SYNPR: variants seen among roughly 807,000 people sequenced by gnomAD.
SYNPR encodes synaptoporin.
A neutral mutation model predicts 32.9 loss-of-function variants in SYNPR; 23 were observed. The observed-to-expected ratio is 0.70, with a 90% CI of 0.50 to 0.99. The LOEUF (loss-of-function observed/expected upper bound fraction) is 0.99. Among genes scored for constraint, SYNPR ranks in the 50% least tolerant of loss-of-function variants. The pLI, the probability that SYNPR is intolerant of heterozygous loss-of-function variation, is 0.00. For synonymous variants in SYNPR, 146 were observed against 135.9 expected (o/e 1.07, Z -0.52); for missense variants, 318 against 349.3 (o/e 0.91, Z 0.71).
chr3:63,384,458 T>C (rs2088015350), intron 2 of SYNPR, among the ~76,000 whole-genome samples: 1 of 152,180 alleles, frequency 6.6e-6, no homozygotes, highest in African/African-American at 2.4e-5. Context: ...ATGTCTTTCT[T>C]TGACTACAGT....
In SYNPR at chr3:63,266,714, AAAAACAC is replaced by A. The variant is rs1393698841; in HGVS notation, n.155-598_155-592del. ...AAGAGCAAAACTCCGTCTCAAAAAAAAAAACACAAAAAACCACAAAAATAAAGTCGTG... is the reference window on the plus strand; with the variant it reads ...AAGAGCAAAACTCCGTCTCAAAAAAAAAAAAACCACAAAAATAAAGTCGTG... On this transcript the variant is annotated intron_variant and non_coding_transcript_variant, in intron 2 of 4. Transcript: ENST00000478456. Among the ~76,000 whole-genome samples the A allele has an allele frequency of 2.3e-3, 341 of 149,990 alleles. 2 individuals are homozygous for A. The highest frequency in any genetic ancestry group is 2.0e-3 in the Non-Finnish European group (138 of 67,532).
intron 2 of SYNPR, among the ~76,000 whole-genome samples, chr3:63,437,220 AT>A (rs1383594401): frequency 4.6e-5 from 7 of 152,206 alleles, no homozygotes; most frequent in Non-Finnish European, 8.8e-5. Flanking sequence ...TAGAGACAAA[AT>A]AAAACAGCAT....
chr3:63,340,574 T>C (rs892336874), intron 2 of SYNPR, among the ~76,000 whole-genome samples: 12 of 151,246 alleles, frequency 7.9e-5, no homozygotes, highest in African/African-American at 2.7e-4. Flanking sequence ...CGCCCGCCAC[T>C]ACGCCCGGCT....
chr3:63,245,283 C>A (rs769419038), intron 1 of SYNPR, among the ~76,000 whole-genome samples: 5 of 151,884 alleles, frequency 3.3e-5, no homozygotes, highest in Non-Finnish European at 7.4e-5. Context: ...AAAGAAACAC[C>A]TTTGAATAAA....
rs548779353 is a variant in SYNPR, at chr3:63,515,960, A to G, written c.209+35004A>G. 2.0e-5 allele frequency among the ~76,000 whole-genome samples: 3 copies of G among 152,212 alleles called. No homozygotes were observed. The East Asian group carries it at 5.8e-4, about 29-fold the overall frequency. ...AACTTATTTAACCAGTCCCCTATAG[A>G]TGAAGGGGACTGGTTATTGATTTCC... On this transcript the variant is annotated intron_variant, in intron 3 of 5. Transcript: ENST00000478300.
chr3:63,572,309 A>C (rs1296185592), intron 4 of SYNPR, among the ~76,000 whole-genome samples: 1 of 151,072 alleles, frequency 6.6e-6, no homozygotes, highest in African/African-American at 2.4e-5. Flanking sequence ...TCCTCTTCTT[A>C]TTCTTATTCT....
chr3:63,305,105 G>T (rs954072128), intron 2 of SYNPR, among the ~76,000 whole-genome samples: 12 of 151,938 alleles, frequency 7.9e-5, no homozygotes, highest in African/African-American at 2.9e-4. Flanking sequence ...GCACTGATTT[G>T]GTGGTCTGCC....
At position 63,542,176 on chromosome 3, in the gene SYNPR, C is replaced by T. The variant is rs755713472; in HGVS notation, c.210-14367C>T. On this transcript the variant is annotated intron_variant, in intron 3 of 5. Transcript: ENST00000478300. ...AGAATCTCGTTCTCTCTCTTTATCC[C>T]CATGTTTTCTTCTGTATTGGCCTCA... Among the ~76,000 whole-genome samples, 46 of 152,040 alleles carry T rather than the reference C, an allele frequency of 3.0e-4. 1 individual carries two copies. The highest frequency in any genetic ancestry group is 1.6e-3 in the Admixed American group (25 of 15,226).
intron 2 of SYNPR, among the ~76,000 whole-genome samples, chr3:63,353,862 C>T (rs563649420): frequency 5.3e-5 from 8 of 152,132 alleles, no homozygotes; most frequent in Non-Finnish European, 1.2e-4. Context: ...CTGTCAGATA[C>T]TTGTTTTTCA....
intron 3 of SYNPR, among the ~76,000 whole-genome samples, chr3:63,527,470 G>A (rs1264982292): frequency 1.3e-5 from 2 of 152,082 alleles, no homozygotes; most frequent in African/African-American, 4.8e-5. Flanking sequence ...TGCATTAATG[G>A]GATGCCTGTC....
chr3:63,369,078 A>G (rs1211662257), intron 2 of SYNPR, among the ~76,000 whole-genome samples: 1 of 152,222 alleles, frequency 6.6e-6, no homozygotes, highest in Admixed American at 6.5e-5. Flanking sequence ...GTCTTTAAAG[A>G]GGAGTTTAAG....
intron 2 of SYNPR, among the ~76,000 whole-genome samples, chr3:63,426,551 C>T (rs1186561081): frequency 6.6e-6 from 1 of 152,106 alleles, no homozygotes; most frequent in Non-Finnish European, 1.5e-5. Context: ...GGTGGAGTTC[C>T]AAGTGGTAGG....
At chr3:63,289,291 G>A (rs1001072968) in intron 2 of SYNPR, 7 of 152,246 alleles carry the variant, frequency 4.6e-5, no homozygotes, top group African/African-American at 1.7e-4. Context: ...AGATGTCTTA[G>A]TCTGCTTTGT....
chr3:63,529,268 T>C (rs1451904670), intron 3 of SYNPR, among the ~76,000 whole-genome samples: 1 of 152,242 alleles, frequency 6.6e-6, no homozygotes, highest in Non-Finnish European at 1.5e-5. Context: ...CTTTAAATCA[T>C]CTCTAGATTA....
intron 1 of SYNPR, among the ~76,000 whole-genome samples, chr3:63,243,698 T>G (rs1308323306): frequency 6.6e-6 from 1 of 152,034 alleles, no homozygotes; most frequent in African/African-American, 2.4e-5. Context: ...ATGCATTCAG[T>G]GTAACCATGT....
At chr3:63,371,300 T>C (rs1304109664) in intron 2 of SYNPR, among the ~76,000 whole-genome samples, 1 of 151,612 alleles carries the variant, frequency 6.6e-6, no homozygotes, top group Non-Finnish European at 1.5e-5. Context: ...AAGTCACTCA[T>C]GCACACATGG....
chr3:63,483,329 T>G (rs1391667650), intron 3 of SYNPR, among the ~76,000 whole-genome samples: 1 of 152,180 alleles, frequency 6.6e-6, no homozygotes, highest in African/African-American at 2.4e-5. Flanking sequence ...ATGTTTAAAA[T>G]GTATTACTAA....
At chr3:63,339,873 T>A (rs1451524382) in intron 2 of SYNPR, among the ~76,000 whole-genome samples, 1 of 152,122 alleles carries the variant, frequency 6.6e-6, no homozygotes, top group Non-Finnish European at 1.5e-5. Context: ...GCCAGGCTGG[T>A]CTCGAACTCC....
At position 63,604,789 on chromosome 3, in the gene SYNPR, T is replaced by G. The variant is rs73834617; in HGVS notation, c.409-4336T>G. On this transcript the variant is annotated intron_variant, in intron 4 of 5. Transcript: ENST00000478300. The stretch of plus-strand genomic sequence containing the variant: ...ATTATTATTTGATCTAATTAAAATC[T>G]TGTTGCTGTTGTAAGGGCAAATTTT... Among the ~76,000 whole-genome samples the G allele has an allele frequency of 5.7e-3, 862 of 152,336 alleles. 5 individuals are homozygous for G. The highest frequency in any genetic ancestry group is 0.02 in the African/African-American group (817 of 41,584).
Sources: allele counts gnomAD v4.1 joint callset (sites outside exome capture counted in the v4.1 genomes callset), GRCh38; gene constraint gnomAD v4.1.1; transcripts MANE v1.5; gene names NCBI Gene and HGNC (gene_info 2026-07-23, HGNC 2026-07-21).